Variants in EHBP1 observed in about 807,000 individuals in gnomAD.
EHBP1 encodes the protein EH domain-binding protein 1.
Under a neutral mutation model 144.0 loss-of-function variants are expected in EHBP1, and 55 were observed. The observed-to-expected ratio is 0.38, with a 90% CI of 0.31 to 0.48. EHBP1 has a LOEUF of 0.48. EHBP1 is among the 20% of genes least tolerant of loss of function. The probability of loss-of-function intolerance (pLI) is 0.98; values close to 1 mark genes in which losing one functional copy is unlikely to be tolerated. For missense variants in EHBP1, 1,200 were observed against 1,364.2 expected (o/e 0.88, Z 1.90); for synonymous variants, 469 against 472.7 (o/e 0.99, Z 0.10).
At chr2:62,875,800 A>T (rs868674475) in intron 10 of EHBP1, among the ~76,000 whole-genome samples, 1 of 152,356 alleles carries the variant, frequency 6.6e-6, no homozygotes, top group Middle Eastern at 3.4e-3. Flanking sequence ...AAATTATCTG[A>T]TAGAGCTGAA....
intron 7 of EHBP1, among the ~76,000 whole-genome samples, chr2:62,839,122 A>G (rs2047565307): frequency 2.0e-5 from 3 of 149,396 alleles, no homozygotes; most frequent in Admixed American, 2.0e-4. Flanking sequence ...ATCCAGCAGC[A>G]CATCAAAAAG....
chr2:62,996,840 T>G, intron 19 of EHBP1, 74 bp downstream of exon 19: 1 of 1,564,806 alleles, frequency 6.4e-7, no homozygotes, highest in South Asian at 1.2e-5. Context: ...GTTTTGGAAG[T>G]GTGAATCTTT....
At chr2:62,906,783 C>T (rs940421969) in intron 10 of EHBP1, among the ~76,000 whole-genome samples, 1 of 152,108 alleles carries the variant, frequency 6.6e-6, no homozygotes, top group African/African-American at 2.4e-5. Flanking sequence ...CATTTACAGC[C>T]AAAACCACTA....
intron 20 of EHBP1, 68 bp downstream of exon 20, chr2:63,037,702 T>G (rs1328177115): frequency 3.6e-6 from 3 of 841,906 alleles, no homozygotes; most frequent in Non-Finnish European, 5.6e-6. Flanking sequence ...TGTTATTGCC[T>G]TCTTTGGGAT....
intron 14 of EHBP1, among the ~76,000 whole-genome samples, chr2:62,964,461 C>T (rs750850891): frequency 6.6e-6 from 1 of 152,144 alleles, no homozygotes; most frequent in African/African-American, 2.4e-5. Context: ...GAGTTTAAAT[C>T]TTTATTCATT....
At chr2:62,842,141 C>G (rs760240537) in intron 7 of EHBP1, among the ~76,000 whole-genome samples, 7 of 151,990 alleles carry the variant, frequency 4.6e-5, no homozygotes, top group Non-Finnish European at 8.8e-5. Flanking sequence ...GGCTGGAGTG[C>G]AGTGACACAG....
At chr2:62,684,579 G>T (rs2033656057) in intron 1 of EHBP1, among the ~76,000 whole-genome samples, 1 of 152,258 alleles carries the variant, frequency 6.6e-6, no homozygotes, top group African/African-American at 2.4e-5. Flanking sequence ...GCACTGGCGT[G>T]TGTGTTCCTT....
intron 10 of EHBP1, among the ~76,000 whole-genome samples, chr2:62,900,638 G>A (rs1411062142): frequency 3.3e-5 from 5 of 149,346 alleles, no homozygotes; most frequent in South Asian, 2.1e-4. Context: ...AAAAGAAAAA[G>A]GTTGGGAGGA....
intron 8 of EHBP1, among the ~76,000 whole-genome samples, chr2:62,860,462 C>G (rs1176509745): frequency 6.6e-6 from 1 of 151,342 alleles, no homozygotes; most frequent in African/African-American, 2.4e-5. Flanking sequence ...TGCACTCCAG[C>G]CTGGGCAACA....
intron 13 of EHBP1, among the ~76,000 whole-genome samples, chr2:62,952,464 A>G (rs2153101929): frequency 6.6e-6 from 1 of 152,348 alleles, no homozygotes; most frequent in Non-Finnish European, 1.5e-5. Context: ...ATAAAATAAT[A>G]GTAACTCTTA....
At chr2:62,951,282 TTTCA>T (rs1368856353) in intron 13 of EHBP1, among the ~76,000 whole-genome samples, 1 of 152,080 alleles carries the variant, frequency 6.6e-6, no homozygotes, top group East Asian at 1.9e-4. Context: ...ATTTATAAGT[TTTCA>T]GAGGTGTCAA....
At chr2:62,780,399 G>A (rs2042343073) in intron 5 of EHBP1, among the ~76,000 whole-genome samples, 1 of 151,958 alleles carries the variant, frequency 6.6e-6, no homozygotes, top group Admixed American at 6.6e-5. Flanking sequence ...ATGACTAGGA[G>A]CTAAATGAAA....
chr2:62,698,246 A>G (rs997822636), intron 1 of EHBP1, among the ~76,000 whole-genome samples: 3 of 152,256 alleles, frequency 2.0e-5, no homozygotes, highest in African/African-American at 4.8e-5. Context: ...TGACCTTTAA[A>G]TATGCTCTTT....
At chr2:62,990,883 C>T (rs1338981685) in intron 16 of EHBP1, 43 bp downstream of exon 16, 2 of 1,539,316 alleles carry the variant, frequency 1.3e-6, no homozygotes, top group Admixed American at 4.1e-5. Flanking sequence ...GTATCTGTGT[C>T]TTCTAGTTTC....
At chr2:62,816,339 A>G (rs1294302302) in intron 5 of EHBP1, among the ~76,000 whole-genome samples, 1 of 152,210 alleles carries the variant, frequency 6.6e-6, no homozygotes, top group African/African-American at 2.4e-5. Context: ...TTCATAAAAC[A>G]TGTTAATATA....
chr2:63,028,601 G>C (rs577622930), intron 19 of EHBP1, among the ~76,000 whole-genome samples: 3 of 152,246 alleles, frequency 2.0e-5, no homozygotes, highest in African/African-American at 7.2e-5. Flanking sequence ...ACTGGAGCAG[G>C]TTACCTACAA....
chr2:62,818,735 A>C (rs1380073303), intron 5 of EHBP1, among the ~76,000 whole-genome samples: 5 of 152,230 alleles, frequency 3.3e-5, no homozygotes, highest in Non-Finnish European at 7.3e-5. Context: ...TCACAAAATC[A>C]CAAGTTGTTG....
At chr2:62,951,446 A>G (rs2057375157) in intron 13 of EHBP1, among the ~76,000 whole-genome samples, 1 of 151,546 alleles carries the variant, frequency 6.6e-6, no homozygotes, top group African/African-American at 2.4e-5. Context: ...ATAGTAGATA[A>G]TCAATAAACA....
At chr2:62,798,732 C>T (rs2043741226) in intron 5 of EHBP1, among the ~76,000 whole-genome samples, 1 of 151,802 alleles carries the variant, frequency 6.6e-6, no homozygotes. Context: ...AGGCCGGGAG[C>T]GGTGGCTCAA....
Sources: allele counts gnomAD v4.1 joint callset (sites outside exome capture counted in the v4.1 genomes callset), GRCh38; gene constraint gnomAD v4.1.1; transcripts MANE v1.5; gene names NCBI Gene and HGNC (gene_info 2026-07-23, HGNC 2026-07-21).